HPSE2: variants seen among roughly 807,000 people sequenced by gnomAD.
HPSE2 encodes the protein inactive heparanase-2.
A neutral mutation model predicts 60.5 loss-of-function variants in HPSE2; 38 were observed. That is an observed-to-expected ratio of 0.63 (90% CI 0.48 to 0.82). The LOEUF is 0.82. HPSE2 is among the 40% of genes least tolerant of loss of function. The pLI, the probability that HPSE2 is intolerant of heterozygous loss-of-function variation, is 0.00. For synonymous variants in HPSE2, 295 were observed against 293.2 expected, an observed-to-expected ratio of 1.01 and a Z score of -0.06; for missense variants, 713 against 740.4, an observed-to-expected ratio of 0.96 and a Z score of 0.43.
At chr10:98,542,901 T>C (rs1299307273) in intron 9 of HPSE2, among the ~76,000 whole-genome samples, 1 of 151,774 alleles carries the variant, frequency 6.6e-6, no homozygotes, top group Admixed American at 6.6e-5. Context: ...TGGAAAACAC[T>C]CTGCAGGATA....
chr10:98,884,293 C>T (rs1953105288), intron 3 of HPSE2, among the ~76,000 whole-genome samples: 1 of 152,126 alleles, frequency 6.6e-6, no homozygotes, highest in Non-Finnish European at 1.5e-5. Flanking sequence ...GATGTAGAAG[C>T]TGTACCAAGT....
intron 2 of HPSE2, among the ~76,000 whole-genome samples, chr10:99,207,057 A>G (rs1469196608): frequency 6.6e-6 from 1 of 152,182 alleles, no homozygotes; most frequent in Non-Finnish European, 1.5e-5. Context: ...CAGGAAAGTC[A>G]AAGATCTTTA....
At chr10:98,974,358 T>TG (rs1956034346) in intron 3 of HPSE2, among the ~76,000 whole-genome samples, 1 of 151,730 alleles carries the variant, frequency 6.6e-6, no homozygotes, top group Non-Finnish European at 1.5e-5. Context: ...TGTTTTGAGA[T>TG]GGAGTCTCGC....
rs559620631 is a variant in HPSE2, at chr10:98,833,043, G to A, written c.611-88987C>T. ...AGCTGGCACCACTGCATAAAATCTT[G>A]TTCTTACTTTTACAGTTTCACTAAT... On this transcript the variant is annotated intron_variant, in intron 3 of 11. Coordinates refer to ENST00000370552, the MANE Select transcript of HPSE2 (RefSeq NM_021828.5). Among the ~76,000 whole-genome samples, 5 of 152,222 alleles carry A rather than the reference G, an allele frequency of 3.3e-5. No homozygotes were observed. The East Asian group carries it at 5.8e-4, about 18-fold the overall frequency.
chr10:99,091,976 T>A (rs1437628506), intron 3 of HPSE2, among the ~76,000 whole-genome samples: 1 of 152,200 alleles, frequency 6.6e-6, no homozygotes, highest in African/African-American at 2.4e-5. Flanking sequence ...TCCAAACAAA[T>A]CCTTTTAGAG....
chr10:99,052,428 C>T (rs1958011614), intron 3 of HPSE2, among the ~76,000 whole-genome samples: 1 of 146,852 alleles, frequency 6.8e-6, no homozygotes, highest in Admixed American at 6.8e-5. Context: ...ATAGAGTTAA[C>T]AATATCAAAT....
rs142274471 is a variant in HPSE2, at chr10:98,640,144, C to G, written c.1098+1703G>C. On this transcript the variant is annotated intron_variant, in intron 7 of 11. Transcript: ENST00000370552. The stretch of plus-strand genomic sequence containing the variant: ...TTACATTAGGTAATATGTTTTCAAT[C>G]TGCTGAAAGTAAGTGTTAAAACTTA... Among the ~76,000 whole-genome samples the G allele has an allele frequency of 1.3e-3, 204 of 152,292 alleles. 1 individual carries two copies. Among genetic ancestry groups the G allele is most frequent in the African/African-American group, 4.8e-3 (198 of 41,552 alleles).
intron 3 of HPSE2, among the ~76,000 whole-genome samples, chr10:98,993,971 G>T (rs1231651894): frequency 6.6e-6 from 1 of 152,184 alleles, no homozygotes; most frequent in East Asian, 1.9e-4. Context: ...ATGACATCCA[G>T]AACAGTATTC....
At chr10:99,245,330 GC>G in the HPSE2 span, among the ~76,000 whole-genome samples, 7 of 152,134 alleles carry the variant, frequency 4.6e-5, no homozygotes, top group Admixed American at 1.3e-4. Flanking sequence ...ATTTCAGAGA[GC>G]AAATTTAGAT....
intron 2 of HPSE2, among the ~76,000 whole-genome samples, chr10:99,231,712 C>G (rs1232046142): frequency 6.6e-6 from 1 of 151,330 alleles, no homozygotes; most frequent in African/African-American, 2.4e-5. Flanking sequence ...AAAAAAAATG[C>G]AACTCTGAGA....
At chr10:98,887,747 T>C (rs1034652313) in intron 3 of HPSE2, among the ~76,000 whole-genome samples, 3 of 151,830 alleles carry the variant, frequency 2.0e-5, no homozygotes, top group African/African-American at 4.8e-5. Flanking sequence ...GGGTGAGAGA[T>C]GAAAAATGCA....
intron 2 of HPSE2, among the ~76,000 whole-genome samples, chr10:99,145,661 C>T (rs192238337): frequency 2.0e-5 from 3 of 151,942 alleles, no homozygotes; most frequent in South Asian, 4.2e-4. Flanking sequence ...TAATAGAAGG[C>T]GCTAAAAAAT....
chr10:98,992,396 A>T (rs1248071942), intron 3 of HPSE2, among the ~76,000 whole-genome samples: 1 of 152,092 alleles, frequency 6.6e-6, no homozygotes, highest in Non-Finnish European at 1.5e-5. Context: ...GAAAATGTTA[A>T]TTTTTTCCAG....
At chr10:98,944,276 G>A (rs1955114253) in intron 3 of HPSE2, among the ~76,000 whole-genome samples, 1 of 152,136 alleles carries the variant, frequency 6.6e-6, no homozygotes, top group South Asian at 2.1e-4. Context: ...GGACAGCAAG[G>A]AGGCAGGAAA....
chr10:98,471,417 C>T (rs1197926212), intron 11 of HPSE2, among the ~76,000 whole-genome samples: 2 of 151,522 alleles, frequency 1.3e-5, no homozygotes, highest in Non-Finnish European at 2.9e-5. Flanking sequence ...GAAGAAGGGG[C>T]GGGGATATGT....
chr10:98,583,184 C>A (rs1434740823), intron 9 of HPSE2, among the ~76,000 whole-genome samples: 1 of 152,134 alleles, frequency 6.6e-6, no homozygotes, highest in East Asian at 1.9e-4. Context: ...AGGGAAAAAC[C>A]CTGATCTTCT....
intron 9 of HPSE2, among the ~76,000 whole-genome samples, chr10:98,553,714 C>T (rs148548320): frequency 6.8e-4 from 103 of 152,310 alleles, no homozygotes; most frequent in African/African-American, 2.3e-3. Context: ...TTTTCCAAGG[C>T]CACAGGTTAA....
At chr10:98,869,061 G>A (rs750803123) in intron 3 of HPSE2, among the ~76,000 whole-genome samples, 7 of 151,836 alleles carry the variant, frequency 4.6e-5, no homozygotes, top group African/African-American at 1.2e-4. Context: ...GTATGTGTGC[G>A]CACGCGTGTG....
intron 6 of HPSE2, among the ~76,000 whole-genome samples, chr10:98,678,634 G>C (rs1048702115): frequency 2.2e-4 from 33 of 151,914 alleles, no homozygotes; most frequent in African/African-American, 7.5e-4. Flanking sequence ...GGATCACACA[G>C]CCAGAAATTT....
Sources: gnomAD v4.1 joint callset for allele counts (sites outside exome capture counted in the v4.1 genomes callset) on GRCh38, gnomAD v4.1.1 for gene constraint, MANE v1.5 for transcripts, NCBI Gene and HGNC (gene_info 2026-07-23, HGNC 2026-07-21) for gene names.